The following PXDNL variants were observed in gnomAD, a reference collection of about 807,000 sequenced individuals.
PXDNL encodes probable oxidoreductase PXDNL.
In PXDNL, 145 loss-of-function variants were observed where a neutral mutation model predicts 150.8. The observed-to-expected ratio is 0.96, with a 90% confidence interval of 0.84 to 1.10. PXDNL has a LOEUF of 1.10. Among genes scored for constraint, PXDNL ranks in the 50% least tolerant of loss-of-function variants. The pLI, the probability that PXDNL is intolerant of heterozygous loss-of-function variation, is 0.00. For missense variants in PXDNL, 2,087 were observed against 1,873.9 expected (o/e 1.11, Z -2.10); for synonymous variants, 757 against 725.7 (o/e 1.04, Z -0.69).
intron 19 of PXDNL, among the ~76,000 whole-genome samples, chr8:51,349,519 C>T (rs1303381920): frequency 6.6e-6 from 1 of 152,238 alleles, no homozygotes; most frequent in Admixed American, 6.5e-5. Flanking sequence ...GGTCTTACTC[C>T]TCACATTCTC....
rs1808537163 is a variant in PXDNL, at chr8:51,409,055, C to CG, written c.2568dup (p.Ala857ArgfsTer164). On this transcript the variant is annotated frameshift_variant, in exon 17 of 23. Coordinates refer to ENST00000356297, the MANE Select transcript of PXDNL (RefSeq NM_144651.5). LOFTEE classifies it high-confidence loss of function. ...GAGCGCGCGAAGAGCATGCAGGGCGCGTGGGTGCCCCGGGGGTCGGCGTGC... is the reference window on the plus strand; with the variant it reads ...GAGCGCGCGAAGAGCATGCAGGGCGCGGTGGGTGCCCCGGGGGTCGGCGTGC... 6.2e-7 allele frequency: 1 copy of CG among 1,609,890 alleles called. No individual in the cohort carries two copies. The highest frequency in any genetic ancestry group is 8.5e-7 in the Non-Finnish European group (1 of 1,179,552).
intron 3 of PXDNL, among the ~76,000 whole-genome samples, chr8:51,577,999 GAGGAAGGAAGGAAGGAAGGAAGGA>G (rs200324232): frequency 2.2e-4 from 7 of 31,546 alleles, no homozygotes; most frequent in African/African-American, 6.5e-4. Flanking sequence ...AAGAAAGAAA[GAGGAAGGAAGGAAGGAAGGAAGGA>G]AGGAAGGAAG....
At position 51,556,921 on chromosome 8, in the gene PXDNL, A is replaced by C. The variant is rs1812613060; in HGVS notation, c.309-10T>G. 1 of 1,446,172 alleles carries C rather than the reference A, an allele frequency of 6.9e-7. No individual in the cohort carries two copies. The highest frequency in any genetic ancestry group is 1.4e-5 in the African/African-American group (1 of 71,228). The allele number at this position is 1,446,172 out of a possible 1,614,324, so 89.6% of individuals were successfully genotyped here. A position where few individuals can be genotyped will look rare whatever the true frequency, so the allele number is the denominator to read the frequency against. ...ATTCTTATACAGGTACCTGGAAAATATATAGAATGTCATTAAATTATAAAT... is the reference window on the plus strand; with the variant it reads ...ATTCTTATACAGGTACCTGGAAAATCTATAGAATGTCATTAAATTATAAAT... On this transcript the variant is annotated splice_polypyrimidine_tract_variant and intron_variant, in intron 3 of 22. Transcript: ENST00000356297.
intron 3 of PXDNL, among the ~76,000 whole-genome samples, chr8:51,557,491 G>T (rs574601159): frequency 6.6e-6 from 1 of 151,990 alleles, no homozygotes; most frequent in Non-Finnish European, 1.5e-5. Context: ...TTTCTCCATC[G>T]TTTTTCTTCA....
At chr8:51,657,189 A>G (rs973681516) in intron 1 of PXDNL, among the ~76,000 whole-genome samples, 33 of 152,188 alleles carry the variant, frequency 2.2e-4, no homozygotes, top group Middle Eastern at 3.2e-3. Flanking sequence ...ATCTCATGCA[A>G]TTTACTCACT....
intron 2 of PXDNL, among the ~76,000 whole-genome samples, chr8:51,637,864 C>T (rs2130769457): frequency 6.6e-6 from 1 of 152,240 alleles, no homozygotes; most frequent in African/African-American, 2.4e-5. Flanking sequence ...CACAAAGATA[C>T]TCCTCAAGAA....
In PXDNL at chr8:51,684,010, T is replaced by G. The variant is rs980406170; in HGVS notation, c.165-29250A>C. On this transcript the variant is annotated intron_variant, in intron 1 of 22. Transcript: ENST00000356297. ...ATAATGTATAAAAGAAAATTACACT[T>G]GACAAATGGGCCAGTTTAAATTAGC... Among the ~76,000 whole-genome samples the G allele has an allele frequency of 2.0e-5, 3 of 152,318 alleles. No individual in the cohort carries two copies. The East Asian group carries it at 5.8e-4, about 29-fold the overall frequency.
At chr8:51,325,010 C>T (rs1051387500) in intron 21 of PXDNL, among the ~76,000 whole-genome samples, 3 of 152,068 alleles carry the variant, frequency 2.0e-5, no homozygotes, top group African/African-American at 7.2e-5. Context: ...GGATTACAGG[C>T]ATGCACCACC....
chr8:51,386,535 TAAAG>T (rs1311605062), intron 17 of PXDNL, among the ~76,000 whole-genome samples: 1 of 151,842 alleles, frequency 6.6e-6, no homozygotes, highest in African/African-American at 2.4e-5. Flanking sequence ...AGATGACTGA[TAAAG>T]AGAGGTAGAG....
intron 1 of PXDNL, among the ~76,000 whole-genome samples, chr8:51,804,853 A>C (rs573036814): frequency 6.6e-6 from 1 of 151,962 alleles, no homozygotes; most frequent in South Asian, 2.1e-4. Flanking sequence ...TTGAAGGATG[A>C]CTCCCAAGTC....
At chr8:51,389,363 T>G (rs1807822713) in intron 17 of PXDNL, among the ~76,000 whole-genome samples, 1 of 152,194 alleles carries the variant, frequency 6.6e-6, no homozygotes, top group Non-Finnish European at 1.5e-5. Flanking sequence ...TTTCAAAAAT[T>G]TTCCTGTTTC....
At chr8:51,569,115 C>T (rs1812879097) in intron 3 of PXDNL, among the ~76,000 whole-genome samples, 1 of 151,902 alleles carries the variant, frequency 6.6e-6, no homozygotes, top group African/African-American at 2.4e-5. Context: ...TGCCAGCTTT[C>T]TCTCTTCTGG....
At chr8:51,393,805 G>C (rs951995586) in intron 17 of PXDNL, among the ~76,000 whole-genome samples, 1 of 152,202 alleles carries the variant, frequency 6.6e-6, no homozygotes, top group Non-Finnish European at 1.5e-5. Flanking sequence ...CCTCTAGAAG[G>C]GGGAAAGACA....
At chr8:51,653,043 T>C (rs1815074263) in intron 2 of PXDNL, among the ~76,000 whole-genome samples, 1 of 152,066 alleles carries the variant, frequency 6.6e-6, no homozygotes, top group Non-Finnish European at 1.5e-5. Flanking sequence ...ATTTAATCAA[T>C]GGATAAAATA....
At chr8:51,584,840 T>C (rs969416276) in intron 3 of PXDNL, among the ~76,000 whole-genome samples, 1 of 152,124 alleles carries the variant, frequency 6.6e-6, no homozygotes, top group Non-Finnish European at 1.5e-5. Flanking sequence ...GCTAATCAAG[T>C]CTTTTTTTTA....
In PXDNL at chr8:51,466,713, C is replaced by A. The variant is rs937644093; in HGVS notation, c.812+5474G>T. On this transcript the variant is annotated intron_variant, in intron 8 of 22. Transcript: ENST00000356297. ...AAATCAACAAACAAAACACAAATAA[C>A]CTTATTAATAAGCAGGCGAACTACA... Among the ~76,000 whole-genome samples the A allele has an allele frequency of 4.6e-4, 70 of 152,070 alleles. 2 individuals are homozygous for A. Among genetic ancestry groups the A allele is most frequent in the Non-Finnish European group, 1.5e-5 (1 of 67,974 alleles).
At chr8:51,518,627 A>G (rs1811594757) in intron 4 of PXDNL, among the ~76,000 whole-genome samples, 1 of 152,184 alleles carries the variant, frequency 6.6e-6, no homozygotes, top group African/African-American at 2.4e-5. Context: ...CATAGCAGAA[A>G]ATAATGCTAA....
chr8:51,499,814 G>C (rs759920352), intron 4 of PXDNL, 44 bp from the exon 5 acceptor site: 1 of 1,287,276 alleles, frequency 7.8e-7, no homozygotes, highest in Admixed American at 1.8e-5. Context: ...GTGCTGGTGA[G>C]TAAAATAAAA....
At chr8:51,682,571 C>T (rs1236988712) in intron 1 of PXDNL, among the ~76,000 whole-genome samples, 4 of 152,174 alleles carry the variant, frequency 2.6e-5, no homozygotes, top group Non-Finnish European at 5.9e-5. Context: ...TGCACATCTG[C>T]GACAGCCTCA....
Sources: gnomAD v4.1 joint callset for allele counts (sites outside exome capture counted in the v4.1 genomes callset) on GRCh38, gnomAD v4.1.1 for gene constraint, MANE v1.5 for transcripts, NCBI Gene and HGNC (gene_info 2026-07-23, HGNC 2026-07-21) for gene names.